CCSER1: variants seen among roughly 807,000 people sequenced by gnomAD.
The protein encoded by CCSER1 is serine-rich coiled-coil domain-containing protein 1.
In CCSER1, 41 loss-of-function variants were observed where a neutral mutation model predicts 82.0. That is an observed-to-expected ratio of 0.50 (90% CI 0.39 to 0.65). The LOEUF (loss-of-function observed/expected upper bound fraction) is 0.65. Among genes scored for constraint, CCSER1 ranks in the 30% least tolerant of loss-of-function variants. The probability of loss-of-function intolerance (pLI) is 0.00; values close to 1 mark genes in which losing one functional copy is unlikely to be tolerated. For missense variants in CCSER1, 1,119 were observed against 1,064.2 expected, an observed-to-expected ratio of 1.05 and a Z score of -0.72; for synonymous variants, 414 against 383.9, an observed-to-expected ratio of 1.08 and a Z score of -0.92.
intron 10 of CCSER1, among the ~76,000 whole-genome samples, chr4:91,125,754 A>T (rs2148898851): frequency 6.6e-6 from 1 of 151,830 alleles, no homozygotes; most frequent in Non-Finnish European, 1.5e-5. Context: ...TAACACCGAA[A>T]AAAATGAGAA....
At chr4:91,547,781 GT>G (rs1247803147) in intron 10 of CCSER1, among the ~76,000 whole-genome samples, 1 of 151,386 alleles carries the variant, frequency 6.6e-6, no homozygotes, top group Admixed American at 6.6e-5. Flanking sequence ...TGAGTTTTTT[GT>G]TTTTTTGTTT....
At chr4:90,717,644 T>C (rs1221798422) in intron 6 of CCSER1, among the ~76,000 whole-genome samples, 2 of 152,018 alleles carry the variant, frequency 1.3e-5, no homozygotes, top group Non-Finnish European at 2.9e-5. Flanking sequence ...CCAGGCCTCT[T>C]GGCTTCTTGC....
intron 10 of CCSER1, among the ~76,000 whole-genome samples, chr4:91,304,740 C>T (rs1378709159): frequency 6.6e-6 from 1 of 152,040 alleles, no homozygotes; most frequent in South Asian, 2.1e-4. Flanking sequence ...AATCACAATA[C>T]AATCCCCGAA....
chr4:90,349,717 ACT>A (rs1450927359), intron 3 of CCSER1, among the ~76,000 whole-genome samples: 1 of 145,182 alleles, frequency 6.9e-6, no homozygotes, highest in Non-Finnish European at 1.5e-5. Flanking sequence ...ACAGTGCTTA[ACT>A]CTATTAATTA....
At chr4:90,475,473 T>A in intron 5 of CCSER1, among the ~76,000 whole-genome samples, 1 of 152,184 alleles carries the variant, frequency 6.6e-6, no homozygotes, top group East Asian at 1.9e-4. Context: ...AAGTTAGGGA[T>A]GGGAGGAGAA....
intron 3 of CCSER1, among the ~76,000 whole-genome samples, chr4:90,376,356 C>T (rs1241818724): frequency 6.6e-6 from 1 of 152,164 alleles, no homozygotes; most frequent in Non-Finnish European, 1.5e-5. Flanking sequence ...CTCTTGAAGG[C>T]ATTCAGTCTC....
At chr4:91,538,698 C>CATATATTATATATATATATATATTATAT in intron 10 of CCSER1, among the ~76,000 whole-genome samples, 60,074 of 137,678 alleles carry the variant, frequency 0.44, 13,625 homozygotes, top group East Asian at 0.57. Context: ...TATATATACA[C>CATATATTATATATATATATATATTATAT]ATATATATAT....
intron 8 of CCSER1, among the ~76,000 whole-genome samples, chr4:90,918,790 C>T (rs150820003): frequency 6.6e-5 from 10 of 151,532 alleles, no homozygotes; most frequent in Admixed American, 4.0e-4. Context: ...CACACACACA[C>T]GGAGTTCACA....
At position 90,686,751 on chromosome 4, in the gene CCSER1, C is replaced by T. The variant is rs368655011; in HGVS notation, c.1933-37163C>T. ...TAGCCAAGTGCTTCAGAACCACACA[C>T]GAAAAAGGGTAATTAACCACTAAGA... On this transcript the variant is annotated intron_variant, in intron 6 of 10. Coordinates refer to ENST00000509176, the MANE Select transcript of CCSER1 (RefSeq NM_001145065.2). 3.9e-5 allele frequency among the ~76,000 whole-genome samples: 6 copies of T among 152,042 alleles called. No homozygotes were observed. In the South Asian group the frequency reaches 8.3e-4, roughly 21 times the overall value.
chr4:90,339,912 A>G (rs1741093150), intron 3 of CCSER1, among the ~76,000 whole-genome samples: 2 of 151,832 alleles, frequency 1.3e-5, no homozygotes, highest in Admixed American at 6.6e-5. Flanking sequence ...TTATATATAT[A>G]TATATAATGA....
intron 10 of CCSER1, among the ~76,000 whole-genome samples, chr4:91,300,274 A>G (rs1178517225): frequency 1.3e-5 from 2 of 151,910 alleles, no homozygotes; most frequent in African/African-American, 4.8e-5. Flanking sequence ...TGATAATGGG[A>G]ATTTTATAAA....
intron 7 of CCSER1, among the ~76,000 whole-genome samples, chr4:90,748,840 G>T (rs62312991): frequency 0.13 from 19,301 of 149,402 alleles, 1,542 homozygotes; most frequent in Non-Finnish European, 0.17. Flanking sequence ...GTCTTCTTTT[G>T]AGAAGTGTCT....
At chr4:90,310,448 A>T (rs1336503323) in intron 2 of CCSER1, among the ~76,000 whole-genome samples, 2 of 152,038 alleles carry the variant, frequency 1.3e-5, no homozygotes, top group Admixed American at 6.6e-5. Flanking sequence ...TTTGGAAGTG[A>T]TTATTATGTC....
intron 3 of CCSER1, among the ~76,000 whole-genome samples, chr4:90,385,609 A>G (rs1749913381): frequency 6.6e-6 from 1 of 151,216 alleles, no homozygotes; most frequent in South Asian, 2.1e-4. Context: ...ACAGGCGCTC[A>G]CCACCACACC....
intron 10 of CCSER1, among the ~76,000 whole-genome samples, chr4:91,222,470 T>C (rs1737832822): frequency 6.6e-6 from 1 of 152,206 alleles, no homozygotes; most frequent in African/African-American, 2.4e-5. Flanking sequence ...TAAGAACTTA[T>C]CTATTCCTCA....
In CCSER1 at chr4:91,140,166, A is replaced by G. The variant is rs1261095793; in HGVS notation, c.2217+54172A>G. Among the ~76,000 whole-genome samples the G allele has an allele frequency of 2.0e-5, 3 of 152,146 alleles. No individual in the cohort carries two copies. The East Asian group carries it at 5.8e-4, about 29-fold the overall frequency. On this transcript the variant is annotated intron_variant, in intron 10 of 10. Coordinates refer to ENST00000509176, the MANE Select transcript of CCSER1 (RefSeq NM_001145065.2). ...TAGATTTAAACTTCAGGCTCTTAATATATATTAGAAAAATTGTTCCCTTCC... is the reference window on the plus strand; with the variant it reads ...TAGATTTAAACTTCAGGCTCTTAATGTATATTAGAAAAATTGTTCCCTTCC...
intron 9 of CCSER1, among the ~76,000 whole-genome samples, chr4:90,995,556 A>C (rs2150459500): frequency 6.6e-6 from 1 of 152,260 alleles, no homozygotes; most frequent in South Asian, 2.1e-4. Context: ...AATTTAGCAT[A>C]TAGAAGTAAG....
intron 3 of CCSER1, among the ~76,000 whole-genome samples, chr4:90,333,794 A>G (rs7693233): frequency 0.61 from 93,184 of 152,154 alleles, 29,682 homozygotes; most frequent in East Asian, 0.82. Flanking sequence ...CTGGATATTT[A>G]TAGCAATTTG....
chr4:90,826,068 G>T (rs150728445), intron 8 of CCSER1, among the ~76,000 whole-genome samples: 1 of 152,230 alleles, frequency 6.6e-6, no homozygotes, highest in Non-Finnish European at 1.5e-5. Context: ...TTTAACATCA[G>T]GTTACTTCAT....
Sources: gnomAD v4.1 joint callset for allele counts (sites outside exome capture counted in the v4.1 genomes callset) on GRCh38, gnomAD v4.1.1 for gene constraint, MANE v1.5 for transcripts, NCBI Gene and HGNC (gene_info 2026-07-23, HGNC 2026-07-21) for gene names.